The following CDH2 variants were observed in gnomAD, a reference collection of about 807,000 sequenced individuals.
CDH2 encodes cadherin 2.
CDH2 carries 17 observed loss-of-function variants against 92.0 expected under a neutral mutation model. The observed-to-expected ratio is 0.18, with a 90% CI of 0.13 to 0.28. CDH2 has a LOEUF of 0.28. CDH2 is among the 10% of genes least tolerant of loss of function. CDH2 has a pLI of 1.00. For missense variants in CDH2, 862 were observed against 1,133.1 expected, an observed-to-expected ratio of 0.76 and a Z score of 3.44; for synonymous variants, 419 against 415.9, an observed-to-expected ratio of 1.01 and a Z score of -0.09.
intron 2 of CDH2, among the ~76,000 whole-genome samples, chr18:28,109,688 C>G (rs2015379583): frequency 6.6e-6 from 1 of 152,166 alleles, no homozygotes; most frequent in Admixed American, 6.5e-5. Context: ...TCACAAATAA[C>G]TGGTGTCAAA....
At chr18:28,076,369 T>C (rs898658925) in intron 2 of CDH2, among the ~76,000 whole-genome samples, 4 of 152,154 alleles carry the variant, frequency 2.6e-5, no homozygotes, top group Non-Finnish European at 5.9e-5. Flanking sequence ...TTTACTTCAC[T>C]GAGACTTATA....
chr18:28,176,051 G>A (rs8084198), intron 1 of CDH2, among the ~76,000 whole-genome samples: 11,122 of 152,312 alleles, frequency 0.073, 1,325 homozygotes, highest in African/African-American at 0.25. Flanking sequence ...GGAACCCGCA[G>A]CGTGCAGTGG....
At chr18:28,007,015 TA>T (rs1403218301) in intron 5 of CDH2, among the ~76,000 whole-genome samples, 7 of 150,584 alleles carry the variant, frequency 4.6e-5, no homozygotes, top group African/African-American at 1.5e-4. Flanking sequence ...CTACTAAAAA[TA>T]CAAAAAATTA....
chr18:28,124,424 A>G (rs549309361), intron 2 of CDH2, among the ~76,000 whole-genome samples: 3 of 152,256 alleles, frequency 2.0e-5, no homozygotes, highest in Admixed American at 6.5e-5. Context: ...TGGTTTTCAG[A>G]ACACAGGCCA....
At chr18:27,978,615 G>C (rs990945828) in intron 14 of CDH2, among the ~76,000 whole-genome samples, 22 of 150,824 alleles carry the variant, frequency 1.5e-4, no homozygotes, top group Non-Finnish European at 2.2e-4. Context: ...TGTAGTTGGG[G>C]GGGGGGATTC....
At chr18:28,082,109 A>G (rs2014842409) in intron 2 of CDH2, among the ~76,000 whole-genome samples, 1 of 152,186 alleles carries the variant, frequency 6.6e-6, no homozygotes, top group Non-Finnish European at 1.5e-5. Flanking sequence ...ATCACAGTCA[A>G]TTTAGGATTT....
intron 2 of CDH2, among the ~76,000 whole-genome samples, chr18:28,035,101 A>T (rs932162753): frequency 6.6e-6 from 1 of 152,078 alleles, no homozygotes; most frequent in Non-Finnish European, 1.5e-5. Flanking sequence ...GAAGACCTAC[A>T]AAGTTCCTTA....
Position 27,933,307 on chromosome 18 carries a change from A to G in CDH2, c.1152-183T>C, listed in dbSNP as rs533512167. Among the ~76,000 whole-genome samples, 9 of 152,258 alleles carry G rather than the reference A, an allele frequency of 5.9e-5. No individual in the cohort carries two copies. The South Asian group carries it at 1.9e-3, about 32-fold the overall frequency. Reference sequence around the variant, plus strand: ...GGGAATTTATTTATTTAATCAAAAGAATATCTTGGTTCAAGAGCATATTCA... The same window carrying G: ...GGGAATTTATTTATTTAATCAAAAGGATATCTTGGTTCAAGAGCATATTCA... On this transcript the variant is annotated intron_variant, in intron 6 of 6. Coordinates refer to the CDH2 transcript ENST00000675173.
chr18:28,164,436 G>A (rs2016349863), intron 1 of CDH2, among the ~76,000 whole-genome samples: 1 of 152,154 alleles, frequency 6.6e-6, no homozygotes, highest in African/African-American at 2.4e-5. Context: ...AGAATAGAAA[G>A]ATGCTAAGTT....
At chr18:28,049,477 C>T (rs1023550497) in intron 2 of CDH2, among the ~76,000 whole-genome samples, 23 of 151,986 alleles carry the variant, frequency 1.5e-4, no homozygotes, top group Non-Finnish European at 3.1e-4. Context: ...AAATTTAGAC[C>T]GAATAAAGCA....
At chr18:28,034,973 A>G (rs1281025427) in intron 2 of CDH2, among the ~76,000 whole-genome samples, 1 of 152,078 alleles carries the variant, frequency 6.6e-6, no homozygotes, top group Non-Finnish European at 1.5e-5. Flanking sequence ...AAGGAATACA[A>G]AACAGGTGTA....
intron 6 of CDH2, among the ~76,000 whole-genome samples, chr18:27,943,190 A>C (rs2143836894): frequency 6.6e-6 from 1 of 152,304 alleles, no homozygotes; most frequent in African/African-American, 2.4e-5. Flanking sequence ...CACACGTGGT[A>C]CTATGCAAAA....
At chr18:27,955,932 G>A (rs1357989413) in intron 15 of CDH2, among the ~76,000 whole-genome samples, 1 of 151,972 alleles carries the variant, frequency 6.6e-6, no homozygotes, top group African/African-American at 2.4e-5. Context: ...TGCAGGTTAA[G>A]TACTTTAAAT....
chr18:28,060,525 G>T (rs947413546), intron 2 of CDH2, among the ~76,000 whole-genome samples: 12 of 152,194 alleles, frequency 7.9e-5, no homozygotes, highest in Non-Finnish European at 1.6e-4. Context: ...CTTTACAGAA[G>T]AACCTGCCTA....
chr18:28,146,518 G>A (rs182867564), intron 2 of CDH2: 1 of 152,034 alleles, frequency 6.6e-6, no homozygotes, highest in African/African-American at 2.4e-5. Context: ...ATGTAATGAG[G>A]CAGGGACAAG....
intron 6 of CDH2, among the ~76,000 whole-genome samples, chr18:27,935,411 G>T (rs1269427152): frequency 6.6e-6 from 1 of 152,128 alleles, no homozygotes; most frequent in East Asian, 1.9e-4. Flanking sequence ...TCTATCACAA[G>T]ACAGCATAGG....
intron 2 of CDH2, among the ~76,000 whole-genome samples, chr18:28,116,210 A>G (rs2015493458): frequency 6.6e-6 from 1 of 152,158 alleles, no homozygotes; most frequent in Non-Finnish European, 1.5e-5. Flanking sequence ...TGTCTTCGGT[A>G]GGTGTATTTT....
At chr18:28,002,150 CAGG>C (rs2012788375) in intron 7 of CDH2, among the ~76,000 whole-genome samples, 1 of 152,106 alleles carries the variant, frequency 6.6e-6, no homozygotes, top group Non-Finnish European at 1.5e-5. Context: ...GTGGGGTTTT[CAGG>C]AAAGAATATG....
At chr18:27,985,910 G>A (rs780984661) in intron 11 of CDH2, 149 bp from the exon 12 acceptor site, 8 of 578,010 alleles carry the variant, frequency 1.4e-5, no homozygotes, top group South Asian at 4.6e-5. Flanking sequence ...TGGGCAGACC[G>A]TTTCCAGAAC....
Sources: allele counts gnomAD v4.1 joint callset (sites outside exome capture counted in the v4.1 genomes callset), GRCh38; gene constraint gnomAD v4.1.1; transcripts MANE v1.5; gene names NCBI Gene and HGNC (gene_info 2026-07-23, HGNC 2026-07-21).